The following CAMK1D variants were observed in gnomAD, a reference collection of about 807,000 sequenced individuals.
The protein encoded by CAMK1D is calcium/calmodulin-dependent protein kinase type 1D.
A neutral mutation model predicts 47.7 loss-of-function variants in CAMK1D; 9 were observed. The observed-to-expected ratio is 0.19, with a 90% CI of 0.11 to 0.33. The LOEUF is 0.33. CAMK1D is among the 10% of genes least tolerant of loss of function. CAMK1D has a pLI of 1.00. For synonymous variants in CAMK1D, 184 were observed against 184.9 expected, an observed-to-expected ratio of 0.99 and a Z score of 0.04; for missense variants, 291 against 488.7, an observed-to-expected ratio of 0.60 and a Z score of 3.81.
intron 3 of CAMK1D, 90 bp from the exon 4 acceptor site, chr10:12,760,858 A>C: frequency 2.8e-6 from 4 of 1,430,228 alleles, no homozygotes; most frequent in Non-Finnish European, 3.9e-6. Flanking sequence ...TCATTTTTGC[A>C]ATAAAGTTTG....
chr10:12,785,090 ACT>A (rs1398858188), intron 5 of CAMK1D, among the ~76,000 whole-genome samples: 1 of 151,728 alleles, frequency 6.6e-6, no homozygotes, highest in Non-Finnish European at 1.5e-5. Flanking sequence ...CGCTAACCCC[ACT>A]CTCTGCAGCT....
chr10:12,772,390 G>A (rs1478138958), intron 5 of CAMK1D, among the ~76,000 whole-genome samples: 1 of 152,146 alleles, frequency 6.6e-6, no homozygotes, highest in Non-Finnish European at 1.5e-5. Context: ...CTGATACTGT[G>A]GCCTGCCCAT....
At chr10:12,416,243 C>T (rs1321748174) in intron 1 of CAMK1D, among the ~76,000 whole-genome samples, 1 of 151,924 alleles carries the variant, frequency 6.6e-6, no homozygotes, top group East Asian at 1.9e-4. Context: ...GGAGAAGTCG[C>T]TGGAAATGTC....
chr10:12,682,990 C>T (rs574355834), intron 3 of CAMK1D, among the ~76,000 whole-genome samples: 12 of 151,672 alleles, frequency 7.9e-5, no homozygotes, highest in South Asian at 4.2e-4. Context: ...GGTGCAATCT[C>T]GGCTCACTGC....
chr10:12,398,458 C>T (rs1406464908), intron 1 of CAMK1D, among the ~76,000 whole-genome samples: 1 of 152,172 alleles, frequency 6.6e-6, no homozygotes, highest in Non-Finnish European at 1.5e-5. Context: ...GAGTGATTCT[C>T]CTGCCTCAGA....
chr10:12,827,342 C>T (rs1833263238), intron 10 of CAMK1D, among the ~76,000 whole-genome samples: 1 of 123,174 alleles, frequency 8.1e-6, no homozygotes. Context: ...TCTCTTCCTT[C>T]CTTCCTTCTT....
chr10:12,768,203 A>G (rs578052876), intron 4 of CAMK1D, among the ~76,000 whole-genome samples: 104 of 152,216 alleles, frequency 6.8e-4, no homozygotes, highest in Admixed American at 1.2e-3. Flanking sequence ...TTTTGCCCAC[A>G]AGGAATTTCC....
intron 1 of CAMK1D, among the ~76,000 whole-genome samples, chr10:12,467,477 C>T (rs2815606): frequency 2.0e-5 from 3 of 151,996 alleles, no homozygotes; most frequent in African/African-American, 7.2e-5. Context: ...CTGACAGCTG[C>T]GACCAGGGTA....
chr10:12,766,403 C>G (rs1284121773), intron 4 of CAMK1D, among the ~76,000 whole-genome samples: 3 of 144,740 alleles, frequency 2.1e-5, no homozygotes, highest in Non-Finnish European at 4.5e-5. Flanking sequence ...TGCCTCTGTC[C>G]CCAGGTTGGA....
At chr10:12,697,588 A>T (rs1373100215) in intron 3 of CAMK1D, among the ~76,000 whole-genome samples, 1 of 152,162 alleles carries the variant, frequency 6.6e-6, no homozygotes, top group East Asian at 1.9e-4. Flanking sequence ...TAGTAGAGAC[A>T]GGGTTTCACC....
In CAMK1D at chr10:12,709,023, C is replaced by T. The variant is rs564637664; in HGVS notation, c.299+42213C>T. 1.2e-4 allele frequency among the ~76,000 whole-genome samples: 18 copies of T among 152,332 alleles called. 1 individual carries two copies. The South Asian group carries it at 3.5e-3, about 30-fold the overall frequency. On this transcript the variant is annotated intron_variant, in intron 3 of 10. Transcript: ENST00000619168. ...CCATGCCCTGGGGCCTGAACTGTGG[C>T]ATGGGAGTGGGGGGCACAGATCTTT...
chr10:12,386,255 A>G (rs1838491467), intron 1 of CAMK1D, among the ~76,000 whole-genome samples: 1 of 152,178 alleles, frequency 6.6e-6, no homozygotes, highest in South Asian at 2.1e-4. Context: ...TCTGGGCAAC[A>G]TAGTGAGACC....
chr10:12,820,142 C>T (rs377371755), intron 8 of CAMK1D, among the ~76,000 whole-genome samples: 4 of 152,176 alleles, frequency 2.6e-5, no homozygotes, highest in East Asian at 1.9e-4. Flanking sequence ...CGGGTTCAAA[C>T]GATTCTCCTG....
chr10:12,605,344 GTGTGTGTGTGT>G, intron 2 of CAMK1D, among the ~76,000 whole-genome samples: 1 of 150,246 alleles, frequency 6.7e-6, no homozygotes, highest in East Asian at 2.1e-4. Context: ...TCAAGTGTGT[GTGTGTGTGTGT>G]GTGTGTGTGT....
At chr10:12,454,884 C>G (rs539515093) in intron 1 of CAMK1D, among the ~76,000 whole-genome samples, 3 of 152,200 alleles carry the variant, frequency 2.0e-5, no homozygotes, top group African/African-American at 7.2e-5. Flanking sequence ...AGCTGTTCTC[C>G]TACATTCTCA....
rs182949753 is a variant in CAMK1D at position 12,784,151 on chromosome 10, C to T, written c.566-7007C>T. On this transcript the variant is annotated intron_variant, in intron 5 of 10. Transcript: ENST00000619168. Reference sequence around the variant, plus strand: ...CGTGTAACAAAGTATTTCTTTCTGCCCTTTGCCCCTAAACCTGGTAGACCC... The same window carrying T: ...CGTGTAACAAAGTATTTCTTTCTGCTCTTTGCCCCTAAACCTGGTAGACCC... Among the ~76,000 whole-genome samples, 141 of 152,098 alleles carry T rather than the reference C, an allele frequency of 9.3e-4. 3 individuals are homozygous for T. Among genetic ancestry groups the T allele is most frequent in the Middle Eastern group, 6.9e-3 (2 of 290 alleles).
chr10:12,742,454 A>T (rs926999437), intron 3 of CAMK1D, among the ~76,000 whole-genome samples: 7 of 152,218 alleles, frequency 4.6e-5, no homozygotes, highest in Admixed American at 3.9e-4. Context: ...TTTATGTACC[A>T]TAAAATTCAC....
chr10:12,726,990 G>A (rs1259192984), intron 3 of CAMK1D, among the ~76,000 whole-genome samples: 1 of 152,204 alleles, frequency 6.6e-6, no homozygotes, highest in African/African-American at 2.4e-5. Flanking sequence ...CAGGCCTACG[G>A]CACGCCATGC....
intron 2 of CAMK1D, among the ~76,000 whole-genome samples, chr10:12,651,687 C>A (rs1179565010): frequency 1.3e-5 from 2 of 152,048 alleles, no homozygotes; most frequent in Non-Finnish European, 2.9e-5. Flanking sequence ...CAGGCGTGAG[C>A]CATACTGCCT....
Sources: gnomAD v4.1 joint callset for allele counts (sites outside exome capture counted in the v4.1 genomes callset) on GRCh38, gnomAD v4.1.1 for gene constraint, MANE v1.5 for transcripts, NCBI Gene and HGNC (gene_info 2026-07-23, HGNC 2026-07-21) for gene names.